Variants in ANOS1 observed in about 807,000 individuals in gnomAD.
ANOS1 encodes anosmin-1.
A neutral mutation model predicts 59.0 loss-of-function variants in ANOS1; 6 were observed. That is an observed-to-expected ratio of 0.10 (90% confidence interval 0.06 to 0.20). The LOEUF is 0.20. Among genes scored for constraint, ANOS1 ranks in the 10% least tolerant of loss-of-function variants. The pLI, the probability that ANOS1 is intolerant of heterozygous loss-of-function variation, is 1.00. For missense variants in ANOS1, 433 were observed against 542.3 expected, an observed-to-expected ratio of 0.80 and a Z score of 2.00; for synonymous variants, 217 against 223.4, an observed-to-expected ratio of 0.97 and a Z score of 0.25.
chrX:8,610,032 A>AC (rs2146836077), intron 3 of ANOS1, among the ~76,000 whole-genome samples: 1 of 89,080 alleles, frequency 1.1e-5, no homozygotes, highest in Admixed American at 1.3e-4. Flanking sequence ...AAAAAAAAAA[A>AC]AAACAACAAC....
intron 6 of ANOS1, among the ~76,000 whole-genome samples, chrX:8,584,688 T>C (rs1467524410): frequency 8.9e-6 from 1 of 111,963 alleles, no homozygotes; most frequent in East Asian, 2.8e-4. Flanking sequence ...TATTAATAGC[T>C]GGTCAAATTA....
In ANOS1 at chrX:8,691,155, C is replaced by T. The variant is rs192867927; in HGVS notation, c.255+8543G>A. 2.8e-3 allele frequency among the ~76,000 whole-genome samples: 297 copies of T among 107,221 alleles called. 1 individual carries two copies. Among genetic ancestry groups the T allele is most frequent in the African/African-American group, 9.6e-3 (284 of 29,457 alleles). 93.1% of individuals were successfully genotyped at this position (107,221 alleles called of 115,157 possible). A position where few individuals can be genotyped will look rare whatever the true frequency, so the allele number is the denominator to read the frequency against. On this transcript the variant is annotated intron_variant, in intron 2 of 13. Transcript: ENST00000262648. ...GTGGAGCGATCTCAGCTCACTGTAA[C>T]CTCCACCTCCTGGGTTCAAGTGATT...
At chrX:8,634,898 T>C (rs1486668673) in intron 2 of ANOS1, among the ~76,000 whole-genome samples, 2 of 111,162 alleles carry the variant, frequency 1.8e-5, no homozygotes, top group Non-Finnish European at 3.8e-5. Flanking sequence ...TCATACCAAA[T>C]AGATGATATG....
intron 1 of ANOS1, among the ~76,000 whole-genome samples, chrX:8,705,274 T>G (rs1262636248): frequency 8.9e-6 from 1 of 112,159 alleles, no homozygotes; most frequent in Non-Finnish European, 1.9e-5. Context: ...CTCATTCATC[T>G]TTTGCATTTA....
rs1023660994 is a variant in ANOS1 at position 8,561,782 on chromosome X, T to C, written c.1207+6450A>G. 3.6e-5 allele frequency among the ~76,000 whole-genome samples: 4 copies of C among 110,392 alleles called. No homozygotes were observed. In the East Asian group the frequency reaches 1.1e-3, roughly 31 times the overall value. On this transcript the variant is annotated intron_variant, in intron 8 of 13. Transcript: ENST00000262648. The stretch of plus-strand genomic sequence containing the variant: ...AGTTTCACAAACCCATTTATGTTTC[T>C]AATAATCTGTGATAATATTGAGAAC...
At chrX:8,622,204 G>A (rs1931305549) in intron 3 of ANOS1, among the ~76,000 whole-genome samples, 1 of 111,498 alleles carries the variant, frequency 9.0e-6, no homozygotes, top group African/African-American at 3.3e-5. Flanking sequence ...TTTCTACCTG[G>A]AGGGTTGACC....
intron 3 of ANOS1, among the ~76,000 whole-genome samples, chrX:8,615,181 T>C (rs1931145786): frequency 9.0e-6 from 1 of 111,560 alleles, no homozygotes; most frequent in South Asian, 3.7e-4. Context: ...GTTACAAAAA[T>C]GTAAAATACC....
chrX:8,728,323 C>G (rs1339413238), intron 1 of ANOS1, among the ~76,000 whole-genome samples: 1 of 111,935 alleles, frequency 8.9e-6, no homozygotes, highest in Non-Finnish European at 1.9e-5. Flanking sequence ...AGAAGAGTGG[C>G]TGCTCCTTAG....
chrX:8,715,882 C>T (rs939293640), intron 1 of ANOS1, among the ~76,000 whole-genome samples: 3 of 109,708 alleles, frequency 2.7e-5, no homozygotes, highest in Non-Finnish European at 5.7e-5. Context: ...CAGGCATGCA[C>T]CACACTATTT....
intron 1 of ANOS1, among the ~76,000 whole-genome samples, chrX:8,705,676 A>G (rs1932776059): frequency 8.9e-6 from 1 of 112,341 alleles, no homozygotes; most frequent in African/African-American, 3.2e-5. Flanking sequence ...AGAATCCAGT[A>G]TATTTCAATA....
chrX:8,546,954 C>T (rs905836771), intron 9 of ANOS1, among the ~76,000 whole-genome samples: 1 of 111,583 alleles, frequency 9.0e-6, no homozygotes, highest in Admixed American at 9.5e-5. Context: ...CAAATGCCTC[C>T]TTTTATTCTC....
intron 2 of ANOS1, among the ~76,000 whole-genome samples, chrX:8,672,295 C>T (rs1401932611): frequency 8.9e-6 from 1 of 111,849 alleles, no homozygotes; most frequent in African/African-American, 3.3e-5. Flanking sequence ...TGCAAACCCA[C>T]CTTTATGGCA....
chrX:8,731,610 G>A (rs1243880197), intron 1 of ANOS1, among the ~76,000 whole-genome samples: 2 of 112,679 alleles, frequency 1.8e-5, no homozygotes, highest in Non-Finnish European at 3.8e-5. Flanking sequence ...GGGAGTTGGG[G>A]CAAGATGTCT....
chrX:8,685,204 T>C (rs1189821045), intron 2 of ANOS1, among the ~76,000 whole-genome samples: 1 of 111,451 alleles, frequency 9.0e-6, no homozygotes, highest in East Asian at 2.8e-4. Context: ...CTGCGTTTTC[T>C]TCAACCTGTC....
chrX:8,594,693 T>TAC (rs1253431783), intron 4 of ANOS1, among the ~76,000 whole-genome samples: 3 of 58,731 alleles, frequency 5.1e-5, no homozygotes, highest in Non-Finnish European at 8.8e-5. Context: ...TATATATATA[T>TAC]ATATACACAT....
intron 8 of ANOS1, among the ~76,000 whole-genome samples, chrX:8,555,276 G>A (rs767964723): frequency 2.0e-4 from 22 of 111,196 alleles, no homozygotes; most frequent in East Asian, 1.1e-3. Flanking sequence ...AGGAGAAAGC[G>A]GGGAAGATCT....
At chrX:8,621,052 C>A (rs1238616532) in intron 3 of ANOS1, among the ~76,000 whole-genome samples, 2 of 111,912 alleles carry the variant, frequency 1.8e-5, no homozygotes, top group African/African-American at 6.5e-5. Flanking sequence ...ATTTATAAAA[C>A]AAACACCTTG....
At chrX:8,571,539 C>A (rs1221902577) in intron 6 of ANOS1, among the ~76,000 whole-genome samples, 2 of 111,833 alleles carry the variant, frequency 1.8e-5, no homozygotes, top group African/African-American at 3.3e-5. Flanking sequence ...CATTTTTTAT[C>A]CACATTGCAC....
intron 6 of ANOS1, among the ~76,000 whole-genome samples, chrX:8,583,686 T>C (rs1930463090): frequency 8.9e-6 from 1 of 112,401 alleles, no homozygotes; most frequent in East Asian, 2.8e-4. Context: ...AACTAAAGTT[T>C]GGGATGCTCC....
Sources: allele counts gnomAD v4.1 joint callset (sites outside exome capture counted in the v4.1 genomes callset), GRCh38; gene constraint gnomAD v4.1.1; transcripts MANE v1.5; gene names NCBI Gene and HGNC (gene_info 2026-07-23, HGNC 2026-07-21).